MSI2: variants seen among roughly 807,000 people sequenced by gnomAD.
MSI2 encodes the protein musashi RNA binding protein 2.
A neutral mutation model predicts 45.6 loss-of-function variants in MSI2; 17 were observed. That is an observed-to-expected ratio of 0.37 (90% confidence interval 0.26 to 0.56). MSI2 has a LOEUF of 0.56. MSI2 is among the 20% of genes least tolerant of loss of function. The pLI is 0.77. For synonymous variants in MSI2, 156 were observed against 158.2 expected (o/e 0.99, Z 0.11); for missense variants, 293 against 444.2 (o/e 0.66, Z 3.06).
At chr17:57,307,747 G>A (rs1912039547) in intron 5 of MSI2, among the ~76,000 whole-genome samples, 1 of 152,194 alleles carries the variant, frequency 6.6e-6, no homozygotes, top group African/African-American at 2.4e-5. Flanking sequence ...CCTGCCCTAG[G>A]ATTTTCAGGC....
At position 57,608,095 on chromosome 17, in the gene MSI2, G is replaced by A. The variant is rs1296795809; in HGVS notation, c.538-7875G>A. Among the ~76,000 whole-genome samples, 8 of 152,200 alleles carry A rather than the reference G, an allele frequency of 5.3e-5. No homozygotes were observed. The East Asian group carries it at 1.5e-3, about 29-fold the overall frequency. ...AGCAGAAGGGCTTGTACCAGTGAGG[G>A]AAAAGGACTGCAGAGTGGTTAGGGA... is the stretch of plus-strand genomic sequence containing the variant. On this transcript the variant is annotated intron_variant, in intron 8 of 13. Coordinates refer to ENST00000284073, the MANE Select transcript of MSI2 (RefSeq NM_138962.4).
chr17:57,639,952 G>A (rs535019345), intron 10 of MSI2, among the ~76,000 whole-genome samples: 1 of 152,320 alleles, frequency 6.6e-6, no homozygotes, highest in Admixed American at 6.5e-5. Flanking sequence ...CACAGGCCCT[G>A]CCCTAGATGC....
chr17:57,461,381 A>G (rs895029795), intron 6 of MSI2, among the ~76,000 whole-genome samples: 1 of 152,168 alleles, frequency 6.6e-6, no homozygotes, highest in African/African-American at 2.4e-5. Context: ...CAGAGTGCTG[A>G]TGTATTAAAA....
At position 57,330,777 on chromosome 17, in the gene MSI2, A is replaced by G. The variant is rs112984216; in HGVS notation, c.312+68585A>G. On this transcript the variant is annotated intron_variant, in intron 5 of 13. Transcript: ENST00000284073. ...GGAAGCATTGTGCAGTGGTAGAACG[A>G]GCACCACAGCTGGGGTGGCACCCTG... Among the ~76,000 whole-genome samples, 1,502 of 152,160 alleles carry G rather than the reference A, an allele frequency of 9.9e-3. 25 individuals carry two copies. Among genetic ancestry groups the G allele is most frequent in the African/African-American group, 0.034 (1,429 of 41,518 alleles).
chr17:57,409,965 G>A (rs1178262953), intron 6 of MSI2, among the ~76,000 whole-genome samples: 4 of 126,140 alleles, frequency 3.2e-5, no homozygotes, highest in Admixed American at 1.1e-4. Flanking sequence ...CCGAGATCGT[G>A]CCACTGCACT....
chr17:57,570,247 A>G (rs781068034), intron 7 of MSI2, among the ~76,000 whole-genome samples: 1 of 152,202 alleles, frequency 6.6e-6, no homozygotes, highest in Non-Finnish European at 1.5e-5. Context: ...CCTCAGACCA[A>G]GTAAATCAGA....
chr17:57,457,405 G>A (rs1361890847), intron 6 of MSI2, among the ~76,000 whole-genome samples: 2 of 152,188 alleles, frequency 1.3e-5, no homozygotes, highest in Non-Finnish European at 2.9e-5. Flanking sequence ...ACTTCTCAGA[G>A]CATTTACTCT....
chr17:57,320,016 C>G (rs1363666996), intron 5 of MSI2, among the ~76,000 whole-genome samples: 1 of 152,118 alleles, frequency 6.6e-6, no homozygotes, highest in African/African-American at 2.4e-5. Flanking sequence ...AGTCCCCCAC[C>G]CCTCCTACTT....
intron 6 of MSI2, among the ~76,000 whole-genome samples, chr17:57,462,906 C>A (rs1378328885): frequency 1.3e-5 from 2 of 152,234 alleles, no homozygotes; most frequent in African/African-American, 4.8e-5. Context: ...CAGACATTCT[C>A]CTGGTGTTTC....
intron 6 of MSI2, among the ~76,000 whole-genome samples, chr17:57,481,002 T>C (rs1175283403): frequency 6.6e-6 from 1 of 152,146 alleles, no homozygotes; most frequent in Non-Finnish European, 1.5e-5. Context: ...TAAGGGAGAC[T>C]CATAGGATTT....
chr17:57,291,991 C>T (rs1231079748), intron 5 of MSI2, among the ~76,000 whole-genome samples: 1 of 151,914 alleles, frequency 6.6e-6, no homozygotes, highest in East Asian at 1.9e-4. Context: ...GGGCAGAGTG[C>T]TGTGCTGGAG....
intron 6 of MSI2, among the ~76,000 whole-genome samples, chr17:57,446,147 G>A (rs1567828064): frequency 6.6e-6 from 1 of 152,266 alleles, no homozygotes; most frequent in South Asian, 2.1e-4. Flanking sequence ...GGACTGGGGA[G>A]TGGGGTGGGG....
the MSI2 span, among the ~76,000 whole-genome samples, chr17:57,692,864 A>G: frequency 2.7e-5 from 4 of 147,002 alleles, no homozygotes; most frequent in African/African-American, 9.9e-5. Flanking sequence ...GCTTTTCAAC[A>G]GTGTGATTAC....
At chr17:57,601,575 A>C (rs1213107838) in intron 8 of MSI2, 1 of 152,532 alleles carries the variant, frequency 6.6e-6, no homozygotes, top group East Asian at 1.9e-4. Context: ...GCCGGGCAGC[A>C]GCAGGAAGGG....
intron 11 of MSI2, among the ~76,000 whole-genome samples, chr17:57,672,163 G>A (rs986033295): frequency 2.0e-5 from 3 of 152,358 alleles, no homozygotes; most frequent in Admixed American, 6.5e-5. Context: ...CTCCGGCACC[G>A]TGATGAGCAA....
chr17:57,677,476 G>A lies in MSI2; in HGVS notation c.*31+417G>A, dbSNP rs1233291274. ...CCTGGAAGCAGGGATGGGGGCCAGG[G>A]CCACCCACTCCTGGAGGTCCTTTGA... On this transcript the variant is annotated intron_variant, in intron 13 of 13. Coordinates refer to ENST00000284073, the MANE Select transcript of MSI2 (RefSeq NM_138962.4). Among the ~76,000 whole-genome samples the A allele has an allele frequency of 2.0e-5, 3 of 152,194 alleles. No homozygotes were observed. In the East Asian group the frequency reaches 5.8e-4, roughly 29 times the overall value.
chr17:57,536,727 A>G (rs563928007), intron 7 of MSI2, among the ~76,000 whole-genome samples: 42 of 152,342 alleles, frequency 2.8e-4, no homozygotes, highest in African/African-American at 1.0e-3. Context: ...ACTTGACAAG[A>G]AAGCGGACAG....
intron 7 of MSI2, among the ~76,000 whole-genome samples, chr17:57,573,593 G>A (rs752140186): frequency 6.6e-6 from 1 of 152,204 alleles, no homozygotes; most frequent in Non-Finnish European, 1.5e-5. Flanking sequence ...CATCACTCCA[G>A]ACCTGCTGAG....
In MSI2 at chr17:57,622,247, T is replaced by TGCC. The variant is rs1555633511; in HGVS notation, c.653-4982_653-4981insGCC. Among the ~76,000 whole-genome samples the TGCC allele has an allele frequency of 9.5e-3, 1,451 of 151,976 alleles. 16 individuals carry two copies. Among genetic ancestry groups the TGCC allele is most frequent in the African/African-American group, 0.033 (1,359 of 41,458 alleles). Reference sequence around the variant, plus strand: ...AATGGTCTCGTGCAGCCCCTCAGACTTTGCGGCACCGCACCAAGAGGTGCC... The same window carrying TGCC: ...AATGGTCTCGTGCAGCCCCTCAGACTGCCTTGCGGCACCGCACCAAGAGGTGCC... On this transcript the variant is annotated intron_variant, in intron 9 of 13. Transcript: ENST00000284073.
Sources: gnomAD v4.1 joint callset for allele counts (sites outside exome capture counted in the v4.1 genomes callset) on GRCh38, gnomAD v4.1.1 for gene constraint, MANE v1.5 for transcripts, NCBI Gene and HGNC (gene_info 2026-07-23, HGNC 2026-07-21) for gene names.